Variants in PACRG observed in about 807,000 individuals in gnomAD.
The protein encoded by PACRG is parkin coregulated gene protein.
Under a neutral mutation model 29.7 loss-of-function variants are expected in PACRG, and 29 were observed. The observed-to-expected ratio is 0.98, with a 90% CI of 0.73 to 1.33. The LOEUF (loss-of-function observed/expected upper bound fraction) is 1.33. Among genes scored for constraint, PACRG ranks in the 40% most tolerant of loss-of-function variants. PACRG has a pLI of 0.00. For missense variants in PACRG, 279 were observed against 316.2 expected (o/e 0.88, Z 0.89); for synonymous variants, 116 against 118.7 (o/e 0.98, Z 0.15).
intron 1 of PACRG, among the ~76,000 whole-genome samples, chr6:162,783,826 AG>A (rs1383396317): frequency 2.4e-4 from 36 of 152,068 alleles, no homozygotes; most frequent in Non-Finnish European, 4.7e-4. Flanking sequence ...ACAGCATATA[AG>A]TGTATTTCTT....
chr6:163,039,089 G>A (rs1808460571), intron 2 of PACRG, among the ~76,000 whole-genome samples: 1 of 152,170 alleles, frequency 6.6e-6, no homozygotes, highest in Non-Finnish European at 1.5e-5. Context: ...CATGAGGGCA[G>A]TTTACCCCGT....
chr6:162,768,342 T>A (rs996312979), intron 1 of PACRG, among the ~76,000 whole-genome samples: 3 of 152,140 alleles, frequency 2.0e-5, no homozygotes, highest in African/African-American at 7.2e-5. Flanking sequence ...TTGTTCTTTT[T>A]TTGATGATTT....
chr6:162,773,737 G>A (rs796417934), intron 1 of PACRG, among the ~76,000 whole-genome samples: 3 of 151,730 alleles, frequency 2.0e-5, no homozygotes, highest in Non-Finnish European at 4.4e-5. Context: ...GGATGGTCTC[G>A]ATCTCCTGAC....
intron 4 of PACRG, among the ~76,000 whole-genome samples, chr6:163,305,506 C>T (rs1785167527): frequency 6.6e-6 from 1 of 152,268 alleles, no homozygotes; most frequent in Non-Finnish European, 1.5e-5. Context: ...TCATGAAAGC[C>T]TTATAATTTC....
chr6:162,985,986 C>T (rs138826504), intron 2 of PACRG, among the ~76,000 whole-genome samples: 5,268 of 151,796 alleles, frequency 0.035, 324 homozygotes, highest in African/African-American at 0.12. Flanking sequence ...AAATAAAATA[C>T]TTAGGAATGT....
intron 2 of PACRG, among the ~76,000 whole-genome samples, chr6:162,913,480 C>T (rs1384100561): frequency 6.6e-6 from 1 of 152,088 alleles, no homozygotes. Flanking sequence ...GAGCTGTTTC[C>T]AGTTTCAGGG....
chr6:163,130,849 G>T (rs1816705341), intron 4 of PACRG, among the ~76,000 whole-genome samples: 1 of 152,208 alleles, frequency 6.6e-6, no homozygotes, highest in Non-Finnish European at 1.5e-5. Context: ...AAGCACTGCA[G>T]GTGGGTGTAC....
At chr6:163,164,798 A>AGTAGC (rs1778720186) in intron 4 of PACRG, among the ~76,000 whole-genome samples, 1 of 152,212 alleles carries the variant, frequency 6.6e-6, no homozygotes, top group Admixed American at 6.5e-5. Context: ...AATCCCAGTT[A>AGTAGC]GTAGCGTTAG....
At chr6:162,904,398 C>A (rs993606400) in intron 2 of PACRG, among the ~76,000 whole-genome samples, 2 of 152,176 alleles carry the variant, frequency 1.3e-5, no homozygotes, top group Non-Finnish European at 2.9e-5. Flanking sequence ...AGTCGGGGAA[C>A]AGCCCCTGCT....
chr6:163,203,464 C>T (rs1780786871), intron 4 of PACRG, among the ~76,000 whole-genome samples: 1 of 152,152 alleles, frequency 6.6e-6, no homozygotes, highest in African/African-American at 2.4e-5. Flanking sequence ...AAGAAGGAAA[C>T]ACCCTCACTG....
chr6:162,872,981 T>G (rs2127997283), intron 2 of PACRG, among the ~76,000 whole-genome samples: 1 of 152,308 alleles, frequency 6.6e-6, no homozygotes, highest in East Asian at 1.9e-4. Context: ...TTAAAAAAAT[T>G]ACTCAGTTAA....
intron 2 of PACRG, among the ~76,000 whole-genome samples, chr6:162,818,761 G>A (rs761640674): frequency 6.6e-6 from 1 of 152,088 alleles, no homozygotes; most frequent in Non-Finnish European, 1.5e-5. Flanking sequence ...CGTGCTACGT[G>A]ACAGAATATG....
intron 4 of PACRG, among the ~76,000 whole-genome samples, chr6:163,274,611 T>C (rs1375830047): frequency 6.6e-6 from 1 of 152,214 alleles, no homozygotes; most frequent in East Asian, 1.9e-4. Flanking sequence ...CACCACACTG[T>C]CTTCCACAAT....
chr6:162,755,216 A>G (rs1188711144), intron 1 of PACRG, among the ~76,000 whole-genome samples: 1 of 151,722 alleles, frequency 6.6e-6, no homozygotes, highest in Non-Finnish European at 1.5e-5. Context: ...GGGTTTGTCA[A>G]TTTTGTGTAT....
At chr6:162,937,678 G>A (rs1798330863) in intron 2 of PACRG, among the ~76,000 whole-genome samples, 2 of 152,146 alleles carry the variant, frequency 1.3e-5, no homozygotes, top group African/African-American at 4.8e-5. Flanking sequence ...CAGAGCCCTT[G>A]TAATGTAAGG....
chr6:162,999,249 G>A lies in PACRG; in HGVS notation c.292-62901G>A, dbSNP rs373922041. Among the ~76,000 whole-genome samples the A allele has an allele frequency of 8.5e-5, 13 of 152,156 alleles. No individual in the cohort carries two copies. In the East Asian group the frequency reaches 9.6e-4, roughly 11 times the overall value. On this transcript the variant is annotated intron_variant, in intron 2 of 4. Coordinates refer to ENST00000366888, the MANE Select transcript of PACRG (RefSeq NM_001080379.2). Reference sequence around the variant, plus strand: ...ATTCTTATTGGTAGGAAGCAGTCAGGGCATCTTCGTTCCTCTCATTAGAAC... The same window carrying A: ...ATTCTTATTGGTAGGAAGCAGTCAGAGCATCTTCGTTCCTCTCATTAGAAC...
chr6:162,933,601 C>CTTTTTTTTTTTT (rs71008119), intron 2 of PACRG, among the ~76,000 whole-genome samples: 24 of 74,612 alleles, frequency 3.2e-4, no homozygotes, highest in East Asian at 9.7e-4. Flanking sequence ...CTTTCTGTAT[C>CTTTTTTTTTTTT]TTTTTTTTTT....
At position 162,869,229 on chromosome 6, in the gene PACRG, C is replaced by T. The variant is rs79879674; in HGVS notation, c.291+54948C>T. ...GCTCCAAGATCCCTCTGGCTCAGAA[C>T]GTTCCTTGATACTTTGATTCCATCT... On this transcript the variant is annotated intron_variant, in intron 2 of 4. Transcript: ENST00000366888. 3.1e-4 allele frequency among the ~76,000 whole-genome samples: 47 copies of T among 152,194 alleles called. 2 individuals carry two copies. The East Asian group carries it at 7.0e-3, about 23-fold the overall frequency.
chr6:163,072,084 T>C (rs961047156), intron 3 of PACRG, among the ~76,000 whole-genome samples: 4 of 151,698 alleles, frequency 2.6e-5, no homozygotes, highest in Admixed American at 1.3e-4. Flanking sequence ...AAGTTCATTC[T>C]ATAAGGCCAG....
Sources: allele counts gnomAD v4.1 joint callset (sites outside exome capture counted in the v4.1 genomes callset), GRCh38; gene constraint gnomAD v4.1.1; transcripts MANE v1.5; gene names NCBI Gene and HGNC (gene_info 2026-07-23, HGNC 2026-07-21).